Variants in ZCCHC24 observed in about 807,000 individuals in gnomAD.
The protein encoded by ZCCHC24 is zinc finger CCHC-type containing 24.
A neutral mutation model predicts 26.2 loss-of-function variants in ZCCHC24; 10 were observed. The ratio of observed to expected loss-of-function variants is 0.38; its 90% CI spans 0.24 to 0.65. The LOEUF (loss-of-function observed/expected upper bound fraction) is 0.65. Among genes scored for constraint, ZCCHC24 ranks in the 30% least tolerant of loss-of-function variants. The pLI, the probability that ZCCHC24 is intolerant of heterozygous loss-of-function variation, is 0.54. For synonymous variants in ZCCHC24, 144 were observed against 147.1 expected (o/e 0.98, Z 0.15); for missense variants, 243 against 329.1 (o/e 0.74, Z 2.03).
At chr10:79,417,060 C>T (rs950958309) in intron 2 of ZCCHC24, among the ~76,000 whole-genome samples, 4 of 152,226 alleles carry the variant, frequency 2.6e-5, no homozygotes, top group African/African-American at 4.8e-5. Flanking sequence ...CCAGGTGCTG[C>T]GCTAAGTGAT....
chr10:79,390,238 C>A (rs948008209), intron 3 of ZCCHC24, among the ~76,000 whole-genome samples: 3 of 152,178 alleles, frequency 2.0e-5, no homozygotes, highest in African/African-American at 7.2e-5. Context: ...TGCTGTGTGA[C>A]CTTTAGCAAA....
chr10:79,395,347 T>C (rs1856531883), intron 2 of ZCCHC24, among the ~76,000 whole-genome samples: 2 of 152,274 alleles, frequency 1.3e-5, no homozygotes, highest in Non-Finnish European at 2.9e-5. Context: ...GTTACTATTT[T>C]AGAACATCTA....
chr10:79,445,052 G>A, intron 1 of ZCCHC24, 143 bp downstream of exon 1: 1 of 913,276 alleles, frequency 1.1e-6, no homozygotes, highest in Non-Finnish European at 1.4e-6. Flanking sequence ...TGGCAGAGTT[G>A]AACGAAGCCA....
At chr10:79,436,573 C>A (rs1010250538) in intron 1 of ZCCHC24, among the ~76,000 whole-genome samples, 1 of 152,240 alleles carries the variant, frequency 6.6e-6, no homozygotes, top group Admixed American at 6.5e-5. Flanking sequence ...TCTCTAATCT[C>A]TCCCCGTGTG....
At chr10:79,386,839 C>T (rs1856404655) in intron 3 of ZCCHC24, among the ~76,000 whole-genome samples, 1 of 152,184 alleles carries the variant, frequency 6.6e-6, no homozygotes. Flanking sequence ...GCCCTGAGTG[C>T]TGCCTGAGGA....
intron 1 of ZCCHC24, among the ~76,000 whole-genome samples, chr10:79,437,509 C>A (rs1002371741): frequency 6.6e-6 from 1 of 152,186 alleles, no homozygotes; most frequent in Non-Finnish European, 1.5e-5. Flanking sequence ...GAGCGATTTG[C>A]CCAAGGTAAC....
chr10:79,403,336 C>A (rs955995907), intron 2 of ZCCHC24: 2 of 957,698 alleles, frequency 2.1e-6, no homozygotes, highest in African/African-American at 3.5e-5. Context: ...GGCAGCAAGT[C>A]TGCCAAGTGC....
intron 3 of ZCCHC24, 23 bp from the exon 4 acceptor site, chr10:79,386,481 G>C: frequency 6.4e-7 from 1 of 1,561,306 alleles, no homozygotes; most frequent in Non-Finnish European, 8.7e-7. Flanking sequence ...GGAGGAAGGG[G>C]CCCAGGGGAG....
chr10:79,432,053 T>G (rs1036129668), intron 2 of ZCCHC24, among the ~76,000 whole-genome samples: 5 of 152,178 alleles, frequency 3.3e-5, no homozygotes, highest in Non-Finnish European at 7.4e-5. Flanking sequence ...CCCAGCCCTA[T>G]CCTGGGAGCA....
chr10:79,417,368 A>G (rs960892917), intron 2 of ZCCHC24, among the ~76,000 whole-genome samples: 1 of 79,182 alleles, frequency 1.3e-5, no homozygotes, highest in East Asian at 2.9e-4. Flanking sequence ...TGGCTCCCAC[A>G]CAGCCAGGGA....
intron 2 of ZCCHC24, among the ~76,000 whole-genome samples, chr10:79,427,035 G>T (rs940539343): frequency 6.6e-6 from 1 of 151,534 alleles, no homozygotes; most frequent in Middle Eastern, 3.2e-3. Context: ...TAGAAAGCTA[G>T]GTATACTAAT....
chr10:79,414,035 G>A (rs1478613268), intron 2 of ZCCHC24, among the ~76,000 whole-genome samples: 1 of 152,186 alleles, frequency 6.6e-6, no homozygotes, highest in Non-Finnish European at 1.5e-5. Context: ...TGAGAGCTCC[G>A]TGGGGTCTCT....
In ZCCHC24 at chr10:79,397,529, C is replaced by T. The variant is rs576908722; in HGVS notation, c.448-3089G>A. Among the ~76,000 whole-genome samples, 32 of 152,310 alleles carry T rather than the reference C, an allele frequency of 2.1e-4. 1 individual carries two copies. The South Asian group carries it at 6.6e-3, about 32-fold the overall frequency. ...TAAGCCACCCCCTCTATCACAACCCCTCATCTTCCATTATCTGAAATAAAG... is the reference window on the plus strand; with the variant it reads ...TAAGCCACCCCCTCTATCACAACCCTTCATCTTCCATTATCTGAAATAAAG... On this transcript the variant is annotated intron_variant, in intron 2 of 3. Transcript: ENST00000372336.
intron 2 of ZCCHC24, among the ~76,000 whole-genome samples, chr10:79,404,333 T>C: frequency 6.6e-6 from 1 of 152,262 alleles, no homozygotes; most frequent in Non-Finnish European, 1.5e-5. Flanking sequence ...TTTAATCACA[T>C]GAACAGCCAC....
chr10:79,441,079 A>C (rs899732463), intron 1 of ZCCHC24, among the ~76,000 whole-genome samples: 10 of 135,658 alleles, frequency 7.4e-5, no homozygotes, highest in Non-Finnish European at 1.4e-4. Flanking sequence ...CTGCCCCCTA[A>C]ACACACACAC....
chr10:79,430,223 A>G (rs1857106710), intron 2 of ZCCHC24, among the ~76,000 whole-genome samples: 1 of 152,150 alleles, frequency 6.6e-6, no homozygotes, highest in Non-Finnish European at 1.5e-5. Context: ...ACAGGCGACG[A>G]AACTGATGCT....
At chr10:79,443,777 C>G (rs944815881) in intron 1 of ZCCHC24, among the ~76,000 whole-genome samples, 3 of 152,220 alleles carry the variant, frequency 2.0e-5, no homozygotes, top group African/African-American at 7.2e-5. Context: ...CCATTCCTCA[C>G]GTGGAGAGAA....
At chr10:79,420,432 A>G (rs1856920706) in intron 2 of ZCCHC24, among the ~76,000 whole-genome samples, 1 of 152,186 alleles carries the variant, frequency 6.6e-6, no homozygotes, top group Non-Finnish European at 1.5e-5. Context: ...GCAGTCTCTT[A>G]GAACCCTGGG....
At chr10:79,415,620 C>T (rs1311623400) in intron 2 of ZCCHC24, among the ~76,000 whole-genome samples, 1 of 152,128 alleles carries the variant, frequency 6.6e-6, no homozygotes, top group African/African-American at 2.4e-5. Flanking sequence ...GCTGAGGGTA[C>T]CCCCTCACTC....
Sources: allele counts gnomAD v4.1 joint callset (sites outside exome capture counted in the v4.1 genomes callset), GRCh38; gene constraint gnomAD v4.1.1; transcripts MANE v1.5; gene names NCBI Gene and HGNC (gene_info 2026-07-23, HGNC 2026-07-21).